SLC24A4: variants seen among roughly 807,000 people sequenced by gnomAD.
SLC24A4 encodes solute carrier family 24 member 4, also known as sodium/potassium/calcium exchanger 4.
In SLC24A4, 53 loss-of-function variants were observed where a neutral mutation model predicts 79.0. That is an observed-to-expected ratio of 0.67 (90% CI 0.54 to 0.84). The LOEUF is 0.84. Ranked by LOEUF, SLC24A4 falls within the 40% of genes least tolerant of loss-of-function variation. SLC24A4 has a pLI of 0.00. For synonymous variants in SLC24A4, 323 were observed against 323.8 expected (o/e 1.00, Z 0.03); for missense variants, 731 against 822.0 (o/e 0.89, Z 1.35).
intron 2 of SLC24A4, among the ~76,000 whole-genome samples, chr14:92,362,788 G>A (rs2141669597): frequency 6.6e-6 from 1 of 152,348 alleles, no homozygotes; most frequent in South Asian, 2.1e-4. Context: ...CTGGGCTTGT[G>A]CTGGGTCAAC....
At chr14:92,360,868 T>C (rs1228480025) in intron 2 of SLC24A4, among the ~76,000 whole-genome samples, 2 of 152,242 alleles carry the variant, frequency 1.3e-5, no homozygotes, top group Admixed American at 1.3e-4. Flanking sequence ...TCAGGGTTTC[T>C]ACGAAACCGA....
chr14:92,355,316 C>T (rs528146491), intron 2 of SLC24A4, among the ~76,000 whole-genome samples: 1 of 152,076 alleles, frequency 6.6e-6, no homozygotes, highest in African/African-American at 2.4e-5. Context: ...AGGAGAGTAG[C>T]CTATAGAGAT....
chr14:92,492,844 T>C, intron 16 of SLC24A4: 1 of 455,680 alleles, frequency 2.2e-6, no homozygotes. Context: ...GTGAGGTTCC[T>C]GGGATCCAGC....
chr14:92,417,456 A>C (rs1287727997), intron 2 of SLC24A4, among the ~76,000 whole-genome samples: 1 of 152,246 alleles, frequency 6.6e-6, no homozygotes, highest in Non-Finnish European at 1.5e-5. Flanking sequence ...AAGCTTAAAA[A>C]ATTTAAAAGT....
intron 2 of SLC24A4, among the ~76,000 whole-genome samples, chr14:92,411,373 A>G (rs544414506): frequency 1.3e-5 from 2 of 152,156 alleles, no homozygotes; most frequent in South Asian, 2.1e-4. Context: ...CCAGAGCTCC[A>G]GTGCTCATTT....
intron 2 of SLC24A4, among the ~76,000 whole-genome samples, chr14:92,338,626 G>A (rs749907556): frequency 6.6e-6 from 1 of 152,150 alleles, no homozygotes. Flanking sequence ...GGATTCCATT[G>A]TACATGCCAA....
At chr14:92,455,449 T>G (rs1397852817) in intron 11 of SLC24A4, among the ~76,000 whole-genome samples, 1 of 152,222 alleles carries the variant, frequency 6.6e-6, no homozygotes, top group Non-Finnish European at 1.5e-5. Flanking sequence ...TGCTGACTCA[T>G]GCAACAAGCT....
At position 92,442,107 on chromosome 14, in the gene SLC24A4, G is replaced by C. The variant is rs771759475; in HGVS notation, c.412G>C (p.Asp138His). 6 of 1,613,974 alleles carry C rather than the reference G, an allele frequency of 3.7e-6. No individual in the cohort carries two copies. Among genetic ancestry groups the C allele is most frequent in the Non-Finnish European group, 5.1e-6 (6 of 1,179,896 alleles). ...KICERLHLSEDVAGATFMAAG... is the reference protein window; with the variant it reads ...KICERLHLSEHVAGATFMAAG... ...GTTTCAGAGACTCCATCTGAGCGAA[G>C]ATGTGGCTGGAGCCACCTTCATGGC... Residue 138 changes from aspartate to histidine, a missense_variant, in exon 5 of 17, where the codon GAT (aspartate) becomes CAT (histidine). Coordinates refer to ENST00000532405, the MANE Select transcript of SLC24A4 (RefSeq NM_153646.4).
intron 2 of SLC24A4, among the ~76,000 whole-genome samples, chr14:92,356,675 C>T (rs76989365): frequency 0.052 from 7,866 of 152,276 alleles, 222 homozygotes; most frequent in South Asian, 0.092. Context: ...AGCACGTGCT[C>T]GATACATTGG....
chr14:92,474,845 A>G (rs113626640), intron 12 of SLC24A4, among the ~76,000 whole-genome samples: 1,588 of 7,554 alleles, frequency 0.21, 179 homozygotes, highest in Non-Finnish European at 0.38. Context: ...GTGTGTGTGT[A>G]TATATATATA....
chr14:92,443,676 C>T (rs1434845778), intron 7 of SLC24A4, among the ~76,000 whole-genome samples: 3 of 152,224 alleles, frequency 2.0e-5, no homozygotes, highest in Non-Finnish European at 2.9e-5. Context: ...AAACCTCAGA[C>T]CCAAAACCTC....
intron 2 of SLC24A4, among the ~76,000 whole-genome samples, chr14:92,419,720 C>G (rs1328370239): frequency 6.6e-6 from 1 of 152,210 alleles, no homozygotes. Flanking sequence ...GACAACTGCT[C>G]TGTTATTCCT....
At chr14:92,451,513 T>C (rs1008855157) in intron 10 of SLC24A4, 5 of 152,278 alleles carry the variant, frequency 3.3e-5, no homozygotes, top group Middle Eastern at 3.2e-3. Flanking sequence ...GGTCGCTGTG[T>C]GGCCACCCCA....
At chr14:92,370,110 A>G (rs1888067833) in intron 2 of SLC24A4, among the ~76,000 whole-genome samples, 1 of 152,274 alleles carries the variant, frequency 6.6e-6, no homozygotes, top group African/African-American at 2.4e-5. Flanking sequence ...AAGTCTCAAA[A>G]TAAGTTGATA....
intron 12 of SLC24A4, among the ~76,000 whole-genome samples, chr14:92,460,791 G>A (rs1893753125): frequency 6.6e-6 from 1 of 152,168 alleles, no homozygotes; most frequent in African/African-American, 2.4e-5. Context: ...GGAGGTGGGA[G>A]GCCACAGCCT....
chr14:92,493,403 G>A (rs1595369147), intron 16 of SLC24A4, 73 bp from the exon 17 acceptor site: 2 of 1,560,894 alleles, frequency 1.3e-6, no homozygotes, highest in East Asian at 2.2e-5. Context: ...CCACATAGGT[G>A]TCGCTTTCCA....
chr14:92,352,175 G>C (rs1165714212), intron 2 of SLC24A4, among the ~76,000 whole-genome samples: 1 of 152,188 alleles, frequency 6.6e-6, no homozygotes, highest in Non-Finnish European at 1.5e-5. Context: ...TGAACAAGGA[G>C]CTATGAATGA....
Position 92,448,345 on chromosome 14 carries a change from T to TACATACACAC in SLC24A4, c.738-726_738-725insTACACACACA, listed in dbSNP as rs1055945349. The stretch of plus-strand genomic sequence containing the variant: ...TGACATATATTTTTTTCCCACTACA[T>TACATACACAC]ACACACACACACACACACACACACA... On this transcript the variant is annotated intron_variant, in intron 9 of 16. Coordinates refer to ENST00000532405, the MANE Select transcript of SLC24A4 (RefSeq NM_153646.4). Among the ~76,000 whole-genome samples the TACATACACAC allele has an allele frequency of 4.5e-4, 59 of 132,056 alleles. No homozygotes were observed. The East Asian group carries it at 0.012, about 26-fold the overall frequency. 86.6% of individuals were successfully genotyped at this position (132,056 alleles called of 152,430 possible).
intron 12 of SLC24A4, among the ~76,000 whole-genome samples, chr14:92,461,456 T>G (rs897243426): frequency 4.6e-5 from 7 of 152,214 alleles, no homozygotes; most frequent in African/African-American, 9.6e-5. Context: ...AGGCTGCAAG[T>G]CTGAGATCAG....
Sources: allele counts gnomAD v4.1 joint callset (sites outside exome capture counted in the v4.1 genomes callset), GRCh38; gene constraint gnomAD v4.1.1; transcripts MANE v1.5; gene names NCBI Gene and HGNC (gene_info 2026-07-23, HGNC 2026-07-21).